The following PCDH7 variants were observed in gnomAD, a reference collection of about 807,000 sequenced individuals.
PCDH7 encodes the protein protocadherin-7.
In PCDH7, 17 loss-of-function variants were observed where a neutral mutation model predicts 58.9. That is an observed-to-expected ratio of 0.29 (90% confidence interval 0.20 to 0.43). The LOEUF is 0.43. PCDH7 is among the 20% of genes least tolerant of loss of function. PCDH7 has a pLI of 1.00. For synonymous variants in PCDH7, 664 were observed against 616.4 expected (o/e 1.08, Z -1.14); for missense variants, 1,274 against 1,441.0 (o/e 0.88, Z 1.88).
intron 3 of PCDH7, among the ~76,000 whole-genome samples, chr4:31,087,332 G>A (rs1301032592): frequency 6.6e-6 from 1 of 152,016 alleles, no homozygotes; most frequent in African/African-American, 2.4e-5. Flanking sequence ...TAGAATGATG[G>A]CTGTGTGATA....
At chr4:30,830,865 T>G (rs1312708021) in intron 1 of PCDH7, among the ~76,000 whole-genome samples, 1 of 152,138 alleles carries the variant, frequency 6.6e-6, no homozygotes, top group Middle Eastern at 3.2e-3. Context: ...ACTCCAATTC[T>G]CATTTCCTCA....
chr4:31,055,422 G>C (rs1288632435), intron 3 of PCDH7, among the ~76,000 whole-genome samples: 1 of 152,078 alleles, frequency 6.6e-6, no homozygotes, highest in Non-Finnish European at 1.5e-5. Flanking sequence ...AGCTTTGGTA[G>C]TAATAGGTTT....
intron 3 of PCDH7, among the ~76,000 whole-genome samples, chr4:31,025,034 C>T (rs560137652): frequency 6.6e-6 from 1 of 152,288 alleles, no homozygotes; most frequent in East Asian, 1.9e-4. Context: ...TGAGCCACTG[C>T]GCCCGGCCTG....
chr4:31,056,562 GGGAAGGGAAGAGA>G (rs1264806134), intron 3 of PCDH7, among the ~76,000 whole-genome samples: 1 of 148,980 alleles, frequency 6.7e-6, no homozygotes, highest in African/African-American at 2.5e-5. Context: ...GAGAGAGGAA[GGGAAGGGAAGAGA>G]GGAAGGGAAG....
chr4:31,083,815 G>A (rs974279127), intron 3 of PCDH7, among the ~76,000 whole-genome samples: 2 of 152,204 alleles, frequency 1.3e-5, no homozygotes, highest in Non-Finnish European at 2.9e-5. Context: ...ATTAAGTAAT[G>A]TAGAGGGAAT....
At chr4:31,133,587 G>A (rs767883528) in intron 3 of PCDH7, among the ~76,000 whole-genome samples, 1 of 152,028 alleles carries the variant, frequency 6.6e-6, no homozygotes, top group Non-Finnish European at 1.5e-5. Context: ...TCCTCTCCAC[G>A]CTGCTCCTTC....
At chr4:31,094,574 A>G (rs766519272) in intron 3 of PCDH7, among the ~76,000 whole-genome samples, 1 of 152,192 alleles carries the variant, frequency 6.6e-6, no homozygotes, top group Non-Finnish European at 1.5e-5. Flanking sequence ...AGCATTTGTG[A>G]TCAACAGAAG....
At chr4:30,949,891 G>GCTACA (rs59784511) in intron 2 of PCDH7, among the ~76,000 whole-genome samples, 28,618 of 151,958 alleles carry the variant, frequency 0.19, 3,358 homozygotes, top group South Asian at 0.26. Flanking sequence ...GCAGCCAACT[G>GCTACA]GGTCCCTGGA....
At chr4:31,105,811 T>C (rs1471906427) in intron 3 of PCDH7, among the ~76,000 whole-genome samples, 1 of 151,938 alleles carries the variant, frequency 6.6e-6, no homozygotes, top group Admixed American at 6.6e-5. Flanking sequence ...ATCGAGACCA[T>C]CCTGGCTAAC....
chr4:31,032,479 A>C (rs1297763988), intron 3 of PCDH7, among the ~76,000 whole-genome samples: 2 of 151,786 alleles, frequency 1.3e-5, no homozygotes, highest in Non-Finnish European at 2.9e-5. Context: ...GTGGTAGTGC[A>C]TGACTGTAAT....
intron 3 of PCDH7, among the ~76,000 whole-genome samples, chr4:31,139,286 A>G (rs2310307): frequency 2.0e-5 from 3 of 152,194 alleles, no homozygotes; most frequent in Non-Finnish European, 4.4e-5. Flanking sequence ...AGAGAATACT[A>G]TTTTATTTTC....
chr4:30,844,859 C>T (rs1413288072), intron 1 of PCDH7, among the ~76,000 whole-genome samples: 2 of 152,124 alleles, frequency 1.3e-5, no homozygotes, highest in Non-Finnish European at 2.9e-5. Flanking sequence ...GCTAGCCATG[C>T]CATCTCTTTT....
At chr4:30,867,956 A>G (rs1321602114) in intron 1 of PCDH7, among the ~76,000 whole-genome samples, 4 of 152,076 alleles carry the variant, frequency 2.6e-5, no homozygotes, top group East Asian at 1.9e-4. Flanking sequence ...TGGTTTTTCT[A>G]TAAGAGGATG....
chr4:30,864,042 A>G (rs1179984584), intron 1 of PCDH7, among the ~76,000 whole-genome samples: 2 of 152,154 alleles, frequency 1.3e-5, no homozygotes, highest in East Asian at 3.9e-4. Context: ...GATTGGCTCA[A>G]TACAGTGCAC....
chr4:30,773,304 A>G (rs1223617256), intron 1 of PCDH7, among the ~76,000 whole-genome samples: 1 of 152,230 alleles, frequency 6.6e-6, no homozygotes, highest in Admixed American at 6.5e-5. Context: ...CCTGGTTCAA[A>G]GATTTTACAC....
At chr4:31,033,302 T>C (rs1755114426) in intron 3 of PCDH7, among the ~76,000 whole-genome samples, 1 of 152,198 alleles carries the variant, frequency 6.6e-6, no homozygotes, top group Non-Finnish European at 1.5e-5. Flanking sequence ...CCTAACAAAT[T>C]GTAAAATATT....
chr4:30,964,324 C>T (rs1267772584), intron 3 of PCDH7, among the ~76,000 whole-genome samples: 1 of 151,516 alleles, frequency 6.6e-6, no homozygotes, highest in Admixed American at 6.6e-5. Context: ...TCACTGCAAG[C>T]TCTGCCTCTT....
At chr4:30,765,060 G>A (rs548986839) in intron 1 of PCDH7, among the ~76,000 whole-genome samples, 6 of 144,896 alleles carry the variant, frequency 4.1e-5, no homozygotes, top group Admixed American at 2.2e-4. Flanking sequence ...CATATGATCT[G>A]CTTGGGAAAT....
intron 1 of PCDH7, among the ~76,000 whole-genome samples, chr4:30,776,642 A>G (rs997022309): frequency 2.0e-4 from 31 of 152,184 alleles, no homozygotes; most frequent in African/African-American, 6.3e-4. Flanking sequence ...ACAACCAATG[A>G]GAGAATTATC....
Sources: gnomAD v4.1 joint callset for allele counts (sites outside exome capture counted in the v4.1 genomes callset) on GRCh38, gnomAD v4.1.1 for gene constraint, MANE v1.5 for transcripts, NCBI Gene and HGNC (gene_info 2026-07-23, HGNC 2026-07-21) for gene names.